Variants in TBPL1 observed in about 807,000 individuals in gnomAD.
TBPL1 encodes TATA-box binding protein like 1, also known as TATA box-binding protein-like 1.
A neutral mutation model predicts 22.1 loss-of-function variants in TBPL1; 4 were observed. That is an observed-to-expected ratio of 0.18 (90% CI 0.09 to 0.41). The LOEUF (loss-of-function observed/expected upper bound fraction) is 0.41. Among genes scored for constraint, TBPL1 ranks in the 10% least tolerant of loss-of-function variants. The probability of loss-of-function intolerance (pLI) is 1.00; values close to 1 mark genes in which losing one functional copy is unlikely to be tolerated. For synonymous variants in TBPL1, 64 were observed against 71.0 expected (o/e 0.90, Z 0.50); for missense variants, 115 against 222.3 (o/e 0.52, Z 3.07).
chr6:133,973,199 C>A (rs1385067), intron 1 of TBPL1, among the ~76,000 whole-genome samples: 23 of 151,942 alleles, frequency 1.5e-4, no homozygotes, highest in African/African-American at 4.4e-4. Flanking sequence ...TTTGAATGGC[C>A]TGTCTTTCTT....
intron 2 of TBPL1, among the ~76,000 whole-genome samples, chr6:133,981,152 T>C (rs914404042): frequency 3.3e-5 from 5 of 152,058 alleles, no homozygotes; most frequent in Non-Finnish European, 7.4e-5. Context: ...TTTGTATTTT[T>C]AGTAGAGACG....
chr6:133,975,057 A>G (rs1472794236), intron 1 of TBPL1, among the ~76,000 whole-genome samples: 2 of 152,188 alleles, frequency 1.3e-5, no homozygotes, highest in Non-Finnish European at 2.9e-5. Flanking sequence ...AAGAAATTAG[A>G]AAAAGAATAT....
intron 1 of TBPL1, among the ~76,000 whole-genome samples, chr6:133,964,222 T>G (rs1776078234): frequency 6.6e-6 from 1 of 152,154 alleles, no homozygotes; most frequent in African/African-American, 2.4e-5. Flanking sequence ...TTTCTTCTGA[T>G]CTCTAGCCAA....
At chr6:133,969,876 A>G (rs1443464403) in intron 1 of TBPL1, among the ~76,000 whole-genome samples, 1 of 152,250 alleles carries the variant, frequency 6.6e-6, no homozygotes, top group Non-Finnish European at 1.5e-5. Flanking sequence ...TAGAATTAAA[A>G]TGGAAATTTA....
intron 1 of TBPL1, among the ~76,000 whole-genome samples, chr6:133,954,348 G>T (rs1300051713): frequency 6.6e-6 from 1 of 152,190 alleles, no homozygotes; most frequent in East Asian, 1.9e-4. Context: ...AAGCAATGTG[G>T]ATTCTCTGGG....
In TBPL1 at chr6:133,977,108, G is replaced by A. The variant is rs142450736; in HGVS notation, c.-44-2974G>A. On this transcript the variant is annotated intron_variant, in intron 1 of 6. Coordinates refer to ENST00000237264, the MANE Select transcript of TBPL1 (RefSeq NM_004865.4). ...TGTTAATATCCAGTTCTGTGCTCTC[G>A]TTCTACAAGACAGATGAACTGATTG... 8.3e-3 allele frequency among the ~76,000 whole-genome samples: 1,262 copies of A among 152,142 alleles called. 36 individuals carry two copies. The highest frequency in any genetic ancestry group is 0.061 in the Admixed American group (938 of 15,284).
At chr6:133,969,174 C>T (rs915040717) in intron 1 of TBPL1, among the ~76,000 whole-genome samples, 6 of 151,126 alleles carry the variant, frequency 4.0e-5, no homozygotes, top group Non-Finnish European at 7.4e-5. Flanking sequence ...TTCAGAAAAT[C>T]AGTATCATTT....
intron 4 of TBPL1, 96 bp downstream of exon 4, chr6:133,982,976 C>T: frequency 8.7e-7 from 1 of 1,143,104 alleles, no homozygotes; most frequent in Non-Finnish European, 1.2e-6. Flanking sequence ...ACTATGCGTA[C>T]TATTCTTATG....
chr6:133,969,932 G>A (rs1342957440), intron 1 of TBPL1, among the ~76,000 whole-genome samples: 1 of 152,174 alleles, frequency 6.6e-6, no homozygotes, highest in African/African-American at 2.4e-5. Context: ...CATCTAATAT[G>A]TTAGGCTCCT....
intron 1 of TBPL1, among the ~76,000 whole-genome samples, chr6:133,977,926 G>A (rs1263296747): frequency 6.6e-6 from 1 of 152,202 alleles, no homozygotes; most frequent in African/African-American, 2.4e-5. Context: ...GCCCTTGCTG[G>A]CTTAGTTGGT....
intron 6 of TBPL1, chr6:133,985,955 TA>T (rs1468802796): frequency 6.6e-6 from 1 of 152,162 alleles, no homozygotes; most frequent in Admixed American, 6.5e-5. Context: ...CTCTACTAAG[TA>T]TATAATAAAA....
chr6:133,980,756 C>A (rs1393066096), intron 2 of TBPL1, among the ~76,000 whole-genome samples: 1 of 151,344 alleles, frequency 6.6e-6, no homozygotes, highest in African/African-American at 2.4e-5. Context: ...TATTTTAAAG[C>A]CTGAATATTA....
intron 1 of TBPL1, among the ~76,000 whole-genome samples, chr6:133,973,614 G>T (rs949633847): frequency 6.6e-6 from 1 of 152,164 alleles, no homozygotes; most frequent in Admixed American, 6.5e-5. Flanking sequence ...CATTGTAGTT[G>T]CTGGAGTAAT....
chr6:133,969,734 AG>A (rs1776185592), intron 1 of TBPL1, among the ~76,000 whole-genome samples: 6 of 152,202 alleles, frequency 3.9e-5, no homozygotes, highest in Admixed American at 2.6e-4. Flanking sequence ...AACAAGTTCA[AG>A]GTTTTCAACT....
chr6:133,984,179 T>A (rs1371045867), intron 4 of TBPL1, among the ~76,000 whole-genome samples, 197 bp from the exon 5 acceptor site: 1 of 152,230 alleles, frequency 6.6e-6, no homozygotes, highest in African/African-American at 2.4e-5. Context: ...GTTTTTAATT[T>A]TTTTAATGGA....
In TBPL1 at chr6:133,982,896, A is replaced by G; in HGVS notation, c.282+16A>G. ...AGGTTTTCAGGTAACGTTTTCAAAT[A>G]GTATCTAAACTACAAATATTCAAGG... is the stretch of plus-strand genomic sequence containing the variant. On this transcript the variant is annotated intron_variant, in intron 4 of 6. Transcript: ENST00000237264. The G allele has an allele frequency of 2.5e-6, 4 of 1,595,564 alleles. No individual in the cohort carries two copies. Among genetic ancestry groups the G allele is most frequent in the Non-Finnish European group, 2.6e-6 (3 of 1,173,038 alleles).
intron 1 of TBPL1, 122 bp from the exon 2 acceptor site, chr6:133,979,960 G>C (rs1776380191): frequency 1.3e-6 from 1 of 795,332 alleles, no homozygotes; most frequent in African/African-American, 1.8e-5. Context: ...GACATGATTT[G>C]ATTCTAGTAA....
At chr6:133,963,467 C>T (rs759056298) in intron 1 of TBPL1, among the ~76,000 whole-genome samples, 2 of 152,106 alleles carry the variant, frequency 1.3e-5, no homozygotes, top group South Asian at 4.1e-4. Context: ...CTCTATAGCC[C>T]AGACTGGAGT....
At chr6:133,974,495 G>A (rs574917762) in intron 1 of TBPL1, among the ~76,000 whole-genome samples, 21 of 152,200 alleles carry the variant, frequency 1.4e-4, no homozygotes, top group Admixed American at 9.2e-4. Flanking sequence ...CACCACGCCC[G>A]GCTGATTTTT....
Sources: gnomAD v4.1 joint callset for allele counts (sites outside exome capture counted in the v4.1 genomes callset) on GRCh38, gnomAD v4.1.1 for gene constraint, MANE v1.5 for transcripts, NCBI Gene and HGNC (gene_info 2026-07-23, HGNC 2026-07-21) for gene names.